The following PTP4A3 variants were observed in gnomAD, a reference collection of about 807,000 sequenced individuals.
PTP4A3 encodes the protein protein tyrosine phosphatase type IVA 3.
Under a neutral mutation model 15.2 loss-of-function variants are expected in PTP4A3, and 9 were observed. The ratio of observed to expected loss-of-function variants is 0.59; its 90% CI spans 0.36 to 1.03. The LOEUF is 1.03. PTP4A3 is among the 50% of genes least tolerant of loss of function. The probability of loss-of-function intolerance (pLI) is 0.02; values close to 1 mark genes in which losing one functional copy is unlikely to be tolerated. For missense variants in PTP4A3, 234 were observed against 252.1 expected, an observed-to-expected ratio of 0.93 and a Z score of 0.49; for synonymous variants, 95 against 102.0, an observed-to-expected ratio of 0.93 and a Z score of 0.41.
chr8:141,399,573 C>T (rs1832534771), intron 1 of PTP4A3, among the ~76,000 whole-genome samples: 1 of 152,252 alleles, frequency 6.6e-6, no homozygotes, highest in African/African-American at 2.4e-5. Context: ...GTTTTTGTGT[C>T]TGGAGAATGG....
intron 1 of PTP4A3, among the ~76,000 whole-genome samples, chr8:141,404,166 C>T (rs540497622): frequency 2.6e-5 from 4 of 152,380 alleles, no homozygotes; most frequent in South Asian, 2.1e-4. Context: ...CTGGGGAGCT[C>T]GTGCACATGC....
intron 1 of PTP4A3, among the ~76,000 whole-genome samples, chr8:141,402,708 C>A (rs1832623594): frequency 6.6e-6 from 1 of 151,744 alleles, no homozygotes; most frequent in African/African-American, 2.4e-5. Context: ...TCCTGCTCCC[C>A]TTTTTCCTCA....
chr8:141,403,677 A>G (rs1832652908), intron 1 of PTP4A3, among the ~76,000 whole-genome samples: 1 of 152,236 alleles, frequency 6.6e-6, no homozygotes, highest in African/African-American at 2.4e-5. Flanking sequence ...AATGTGAGCT[A>G]CACATACATG....
Position 141,422,172 on chromosome 8 carries a change from A to T in PTP4A3, c.-69A>T, listed in dbSNP as rs1833362085. ...CCTCATTTTTTGGGGGTGTGTGGGG[A>T]CTTCTCAGGTCGTGTCCCCAGCCTT... On this transcript the variant is annotated 5_prime_UTR_variant, in exon 2 of 6. Transcript: ENST00000521578. 1.4e-6 allele frequency: 2 copies of T among 1,469,836 alleles called. No homozygotes were observed. Among genetic ancestry groups the T allele is most frequent in the Non-Finnish European group, 1.9e-6 (2 of 1,055,932 alleles). The allele number at this position is 1,469,836 out of a possible 1,614,324, so 91.0% of individuals were successfully genotyped here.
intron 3 of PTP4A3, 105 bp from the exon 4 acceptor site, chr8:141,426,834 C>G: frequency 6.7e-7 from 1 of 1,493,474 alleles, no homozygotes; most frequent in Non-Finnish European, 9.0e-7. Context: ...CTAGTGGGCT[C>G]CTGGCACCCT....
chr8:141,424,930 A>G (rs1833496326), intron 2 of PTP4A3, 118 bp from the exon 3 acceptor site: 4 of 840,232 alleles, frequency 4.8e-6, no homozygotes, highest in South Asian at 1.6e-5. Flanking sequence ...GGACATGTCC[A>G]AGTCCTGGGT....
At chr8:141,405,123 G>T (rs1832690993) in intron 1 of PTP4A3, among the ~76,000 whole-genome samples, 1 of 152,192 alleles carries the variant, frequency 6.6e-6, no homozygotes, top group South Asian at 2.1e-4. Flanking sequence ...CACGAACAGG[G>T]CTGCAGGGGC....
chr8:141,428,290 A>G (rs1833681557), intron 5 of PTP4A3, among the ~76,000 whole-genome samples: 1 of 112,404 alleles, frequency 8.9e-6, no homozygotes, highest in African/African-American at 3.5e-5. Flanking sequence ...TCTCCAGCTC[A>G]GCCCCTCCCC....
chr8:141,425,161 A>T lies in PTP4A3; in HGVS notation c.198+21A>T. The T allele has an allele frequency of 1.5e-6, 1 of 663,204 alleles. No homozygotes were observed. The highest frequency in any genetic ancestry group is 2.4e-6 in the Non-Finnish European group (1 of 408,540). 41.1% of individuals were successfully genotyped at this position (663,204 alleles called of 1,614,324 possible). A position where few individuals can be genotyped will look rare whatever the true frequency, so the allele number is the denominator to read the frequency against. On this transcript the variant is annotated intron_variant, in intron 3 of 5. Transcript: ENST00000521578. This position sits in a 1 kb window ranked among gnomAD's most constrained non-coding sequence, Gnocchi z 4.2. ...TTGTGGTGAGGCGCGCGCCACGGGG[A>T]CCCTAGTCACTGCTGCCACCGGGGG... is the stretch of plus-strand genomic sequence containing the variant.
intron 1 of PTP4A3, among the ~76,000 whole-genome samples, chr8:141,408,383 C>G (rs1237175606): frequency 6.6e-6 from 1 of 152,234 alleles, no homozygotes; most frequent in Non-Finnish European, 1.5e-5. Flanking sequence ...CTTTGGGAGG[C>G]CAAGGTGGGC....
intron 2 of PTP4A3, among the ~76,000 whole-genome samples, chr8:141,424,157 G>C (rs1833457344): frequency 6.6e-6 from 1 of 152,098 alleles, no homozygotes; most frequent in Non-Finnish European, 1.5e-5. Flanking sequence ...TTCTCAGATA[G>C]TTGGGTGCTG....
rs750124751 is a variant in PTP4A3, at chr8:141,425,181, C to T, written c.198+41C>T. The T allele has an allele frequency of 1.3e-4, 45 of 345,770 alleles. No homozygotes were observed. Among genetic ancestry groups the T allele is most frequent in the Admixed American group, 4.4e-4 (12 of 27,222 alleles). 21.4% of individuals were successfully genotyped at this position (345,770 alleles called of 1,614,324 possible). A position where few individuals can be genotyped will look rare whatever the true frequency, so the allele number is the denominator to read the frequency against. On this transcript the variant is annotated intron_variant, in intron 3 of 5. Coordinates refer to ENST00000521578, the MANE Select transcript of PTP4A3 (RefSeq NM_032611.3). The surrounding 1 kb of genome is among the most constrained non-coding windows in gnomAD (Gnocchi z 4.2). ...CGGGGACCCTAGTCACTGCTGCCAC[C>T]GGGGGAGGGTGGGGCGGGGGGCTCC... is the stretch of plus-strand genomic sequence containing the variant.
At chr8:141,424,529 G>T (rs1166025435) in intron 2 of PTP4A3, among the ~76,000 whole-genome samples, 4 of 152,114 alleles carry the variant, frequency 2.6e-5, no homozygotes, top group African/African-American at 9.7e-5. Flanking sequence ...CGGATGCAGG[G>T]GCTCACACGT....
intron 1 of PTP4A3, among the ~76,000 whole-genome samples, chr8:141,401,396 CTGGGGTAACTTGCCTGCCTGTGCT>C (rs1423598919): frequency 6.6e-6 from 1 of 152,186 alleles, no homozygotes; most frequent in African/African-American, 2.4e-5. Flanking sequence ...TGGGCTGGCC[CTGGGGTAACTTGCCTGCCTGTGCT>C]TCAGTGTCCC....
At position 141,425,084 on chromosome 8, in the gene PTP4A3, G is replaced by T; in HGVS notation, c.142G>T (p.Val48Leu). Residue 48 changes from valine to leucine, a missense_variant, in exon 3 of 6, where the codon GTG becomes TTG. By Grantham distance (32) the Val-to-Leu change is conservative. Transcript: ENST00000521578. The surrounding 1 kb of genome is among the most constrained non-coding windows in gnomAD (Gnocchi z 4.2). ...GTACGGGGCTACCACTGTGGTGCGT[G>T]TGTGTGAAGTGACCTATGACAAAAC... is the stretch of plus-strand genomic sequence containing the variant. ...KKYGATTVVR[V>L]CEVTYDKTPL... 1 of 1,613,072 alleles carries T rather than the reference G, an allele frequency of 6.2e-7. No homozygotes were observed. The highest frequency in any genetic ancestry group is 1.1e-5 in the South Asian group (1 of 91,080).
At chr8:141,423,902 A>G (rs1833445837) in intron 2 of PTP4A3, among the ~76,000 whole-genome samples, 1 of 150,422 alleles carries the variant, frequency 6.6e-6, no homozygotes, top group Admixed American at 6.6e-5. Flanking sequence ...TTAGGGCTCA[A>G]TGTGTGACCA....
chr8:141,419,358 C>A (rs910222725), intron 1 of PTP4A3, among the ~76,000 whole-genome samples: 1 of 152,212 alleles, frequency 6.6e-6, no homozygotes, highest in Non-Finnish European at 1.5e-5. Context: ...TTTCTGTAAA[C>A]ATGAGCTCGG....
chr8:141,407,645 C>T (rs1191634048), intron 1 of PTP4A3, among the ~76,000 whole-genome samples: 1 of 150,388 alleles, frequency 6.6e-6, no homozygotes, highest in Non-Finnish European at 1.5e-5. Context: ...TGGCTCACTG[C>T]AACCTCCACC....
intron 1 of PTP4A3, among the ~76,000 whole-genome samples, chr8:141,414,247 G>C (rs536069381): frequency 6.6e-6 from 1 of 152,246 alleles, no homozygotes; most frequent in Non-Finnish European, 1.5e-5. Flanking sequence ...CCATTGTGGA[G>C]CTGTCCTGTC....
Sources: allele counts gnomAD v4.1 joint callset (sites outside exome capture counted in the v4.1 genomes callset), GRCh38; gene constraint gnomAD v4.1.1; non-coding constraint Gnocchi (gnomAD v3.1); transcripts MANE v1.5; gene names NCBI Gene and HGNC (gene_info 2026-07-23, HGNC 2026-07-21).